Variants in PAXBP1 observed in about 807,000 individuals in gnomAD.
PAXBP1 encodes PAX3- and PAX7-binding protein 1.
In PAXBP1, 44 loss-of-function variants were observed where a neutral mutation model predicts 119.9. That is an observed-to-expected ratio of 0.37 (90% CI 0.29 to 0.47). The LOEUF (loss-of-function observed/expected upper bound fraction) is 0.47. Among genes scored for constraint, PAXBP1 ranks in the 20% least tolerant of loss-of-function variants. The probability of loss-of-function intolerance (pLI) is 0.99; values close to 1 mark genes in which losing one functional copy is unlikely to be tolerated. For missense variants in PAXBP1, 898 were observed against 1,134.1 expected, an observed-to-expected ratio of 0.79 and a Z score of 2.99; for synonymous variants, 393 against 406.6, an observed-to-expected ratio of 0.97 and a Z score of 0.40.
At chr21:32,760,460 C>T (rs76677999) in intron 5 of PAXBP1, among the ~76,000 whole-genome samples, 5 of 152,326 alleles carry the variant, frequency 3.3e-5, no homozygotes, top group Non-Finnish European at 5.9e-5. Context: ...ATTTTTCTCA[C>T]TGTATTACTT....
At chr21:32,742,627 A>G (rs1034229697) in intron 15 of PAXBP1, 7 of 167,498 alleles carry the variant, frequency 4.2e-5, no homozygotes, top group African/African-American at 1.7e-4. Context: ...TGAACTCCAC[A>G]AAGATTCCAC....
chr21:32,745,498 G>T, intron 12 of PAXBP1, 76 bp downstream of exon 12: 1 of 1,559,524 alleles, frequency 6.4e-7, no homozygotes, highest in South Asian at 1.1e-5. Flanking sequence ...AACATGCTCT[G>T]AATTATAAAC....
intron 4 of PAXBP1, 54 bp downstream of exon 4, chr21:32,762,042 A>T: frequency 1.3e-6 from 2 of 1,592,660 alleles, no homozygotes; most frequent in Non-Finnish European, 1.7e-6. Context: ...CCTGCCTTAA[A>T]ACAAACAAAA....
intron 15 of PAXBP1, among the ~76,000 whole-genome samples, chr21:32,738,698 G>C (rs1240589088): frequency 1.3e-5 from 2 of 151,978 alleles, no homozygotes; most frequent in African/African-American, 4.8e-5. Context: ...ACAAAAGATG[G>C]GAGAGTCTGA....
At chr21:32,757,954 G>A (rs1383452791) in intron 7 of PAXBP1, among the ~76,000 whole-genome samples, 1 of 152,184 alleles carries the variant, frequency 6.6e-6, no homozygotes, top group Admixed American at 6.5e-5. Context: ...TACACCACAA[G>A]TGGTATCATA....
chr21:32,743,754 C>T lies in PAXBP1; in HGVS notation c.2191G>A (p.Val731Ile). The T allele has an allele frequency of 1.3e-6, 2 of 1,544,420 alleles. No homozygotes were observed. The highest frequency in any genetic ancestry group is 1.8e-6 in the Non-Finnish European group (2 of 1,127,080). The change falls in exon 14 of 18, where the codon GTA (valine) becomes ATA (isoleucine). Residue 731 changes from valine (V) to isoleucine (I), a missense_variant and splice_region_variant. By Grantham distance (29) the Val-to-Ile change is conservative (BLOSUM62 3). Coordinates refer to ENST00000331923, the MANE Select transcript of PAXBP1 (RefSeq NM_016631.4). ...VVNAENKNTQ[V>I]YLKALLLRMR... ...CTCAATAAAAGTGCCTTTAGGTATA[C>T]CTAAAAAGTTAAAAGTAGATCACAC...
intron 8 of PAXBP1, 45 bp from the exon 9 acceptor site, chr21:32,751,263 T>G: frequency 6.4e-7 from 1 of 1,569,012 alleles, no homozygotes. Context: ...CTTTCAACAA[T>G]CTTGAGGAAA....
At chr21:32,748,034 G>A (rs577135774) in intron 11 of PAXBP1, among the ~76,000 whole-genome samples, 3 of 149,626 alleles carry the variant, frequency 2.0e-5, no homozygotes, top group African/African-American at 2.5e-5. Context: ...CAATCCTCCC[G>A]CCTTGGCCTC....
At position 32,734,732 on chromosome 21, in the gene PAXBP1, A is replaced by C; in HGVS notation, c.*218T>G. ...CCATACAAAATACTTCAGTAAACAA[A>C]GTATGACAGGCAGTAAAGAAAACAT... is the stretch of plus-strand genomic sequence containing the variant. On this transcript the variant is annotated 3_prime_UTR_variant, in exon 18 of 18. Coordinates refer to ENST00000331923, the MANE Select transcript of PAXBP1 (RefSeq NM_016631.4). The C allele has an allele frequency of 1.8e-6, 1 of 560,336 alleles. No homozygotes were observed. The highest frequency in any genetic ancestry group is 2.1e-5 in the South Asian group (1 of 46,694). 34.7% of individuals were successfully genotyped at this position (560,336 alleles called of 1,614,324 possible).
chr21:32,771,486 C>A lies in PAXBP1; in HGVS notation c.183G>T (p.Pro61=). ...CCGGGGTCAGCGCGGAAGGCGGCGA[C>A]GGCCCCGGGCCCAGCAGCGACTCCC... ...PGGESLLGPG[P]SPPSALTPGL... is the part of the protein sequence containing the mutation. Residue 61 remains proline, a synonymous_variant, in exon 1 of 18, where the codon CCG becomes CCT. Coordinates refer to ENST00000331923, the MANE Select transcript of PAXBP1 (RefSeq NM_016631.4). 7.7e-7 allele frequency: 1 copy of A among 1,300,092 alleles called. No individual in the cohort carries two copies. The highest frequency in any genetic ancestry group is 2.4e-5 in the South Asian group (1 of 42,056). 80.5% of individuals were successfully genotyped at this position (1,300,092 alleles called of 1,614,324 possible).
At chr21:32,743,348 G>C (rs2043818357) in intron 14 of PAXBP1, 34 bp from the exon 15 acceptor site, 1 of 1,394,108 alleles carries the variant, frequency 7.2e-7, no homozygotes, top group Non-Finnish European at 9.8e-7. Context: ...ATCATGATCA[G>C]ATATTTTATA....
intron 10 of PAXBP1, 74 bp downstream of exon 10, chr21:32,750,843 C>T: frequency 9.1e-7 from 1 of 1,097,746 alleles, no homozygotes; most frequent in South Asian, 1.5e-5. Context: ...AGATTCAAAT[C>T]ATTTCATGGT....
In PAXBP1 at chr21:32,748,496, C is replaced by T. The variant is rs769909362; in HGVS notation, c.1923+3G>A. On this transcript the variant is annotated splice_donor_region_variant and intron_variant, in intron 11 of 17. Coordinates refer to ENST00000331923, the MANE Select transcript of PAXBP1 (RefSeq NM_016631.4). ...CTTTCTAATAGTGACAGAAGCCACT[C>T]ACCTCAAGAGGAGTCCAAGTGAGGA... The T allele has an allele frequency of 6.2e-7, 1 of 1,604,232 alleles. No homozygotes were observed. The highest frequency in any genetic ancestry group is 1.1e-5 in the South Asian group (1 of 88,864).
At chr21:32,747,064 C>T (rs1460324532) in intron 11 of PAXBP1, among the ~76,000 whole-genome samples, 1 of 142,184 alleles carries the variant, frequency 7.0e-6, no homozygotes, top group African/African-American at 2.7e-5. Flanking sequence ...GGGAAAAACA[C>T]ACACTGAGGC....
At chr21:32,735,111 T>C in intron 17 of PAXBP1, 44 bp from the exon 18 acceptor site, 2 of 1,371,324 alleles carry the variant, frequency 1.5e-6, no homozygotes, top group Non-Finnish European at 2.0e-6. Flanking sequence ...TTAGTATATC[T>C]AAGAGAAAAT....
At chr21:32,766,219 A>G (rs1398104996) in intron 2 of PAXBP1, among the ~76,000 whole-genome samples, 3 of 152,228 alleles carry the variant, frequency 2.0e-5, no homozygotes, top group Non-Finnish European at 4.4e-5. Context: ...TACATCAGAT[A>G]TGCTCAGATA....
chr21:32,751,206 A>G lies in PAXBP1; in HGVS notation c.1520T>C (p.Met507Thr), dbSNP rs375900168. The change falls in exon 9 of 18, where the codon ATG becomes ACG. Residue 507 changes from methionine to threonine, a missense_variant. Around this residue, in one of 2 missense-constraint regions of PAXBP1, gnomAD observed 599 missense variants for 852.7 expected, o/e 0.70. Coordinates refer to ENST00000331923, the MANE Select transcript of PAXBP1 (RefSeq NM_016631.4). ...TCCAAAGGAGTCAAGATTTGGTGCC[A>G]TCAGAGCTTTGTCTGCAAAACAACA... is the stretch of plus-strand genomic sequence containing the variant. Reference protein sequence around the residue: ...EFSSHSNKALMAPNLDSFGRD... With the variant: ...EFSSHSNKALTAPNLDSFGRD... 2.5e-6 allele frequency: 4 copies of G among 1,613,998 alleles called. No homozygotes were observed. Among genetic ancestry groups the G allele is most frequent in the Non-Finnish European group, 2.5e-6 (3 of 1,179,968 alleles).
At chr21:32,761,454 T>G (rs907622844) in intron 4 of PAXBP1, among the ~76,000 whole-genome samples, 2 of 152,220 alleles carry the variant, frequency 1.3e-5, no homozygotes, top group African/African-American at 4.8e-5. Context: ...CCTAGGAATA[T>G]AGAACTATAT....
intron 8 of PAXBP1, 175 bp from the exon 9 acceptor site, chr21:32,751,393 G>A (rs1025849683): frequency 6.5e-5 from 34 of 523,826 alleles, no homozygotes; most frequent in East Asian, 2.7e-4. Context: ...ATTATTCTGC[G>A]TTCCCATTTT....
Sources: allele counts gnomAD v4.1 joint callset (sites outside exome capture counted in the v4.1 genomes callset), GRCh38; gene constraint gnomAD v4.1.1; regional missense constraint gnomAD v4.1.1; transcripts MANE v1.5; gene names NCBI Gene and HGNC (gene_info 2026-07-23, HGNC 2026-07-21).